The following TSKS variants were observed in gnomAD, a reference collection of about 807,000 sequenced individuals.
The protein encoded by TSKS is testis-specific serine kinase substrate.
In TSKS, 27 loss-of-function variants were observed where a neutral mutation model predicts 68.0. The ratio of observed to expected loss-of-function variants is 0.40; its 90% CI spans 0.29 to 0.55. TSKS has a LOEUF of 0.55. TSKS is among the 20% of genes least tolerant of loss of function. The probability of loss-of-function intolerance (pLI) is 0.53; values close to 1 mark genes in which losing one functional copy is unlikely to be tolerated. For missense variants in TSKS, 806 were observed against 776.0 expected, an observed-to-expected ratio of 1.04 and a Z score of -0.46; for synonymous variants, 331 against 340.4, an observed-to-expected ratio of 0.97 and a Z score of 0.30.
intron 8 of TSKS, among the ~76,000 whole-genome samples, chr19:49,743,165 A>T (rs1428386042): frequency 1.4e-5 from 2 of 147,240 alleles, no homozygotes; most frequent in Non-Finnish European, 3.0e-5. Flanking sequence ...TGCACCCTCC[A>T]CTTCCCAGGT....
chr19:49,753,074 C>A (rs1414308945), intron 2 of TSKS, among the ~76,000 whole-genome samples: 2 of 152,188 alleles, frequency 1.3e-5, no homozygotes, highest in Non-Finnish European at 2.9e-5. Context: ...CTTCAGTGGC[C>A]AAACATGACA....
intron 9 of TSKS, 105 bp downstream of exon 9, chr19:49,741,780 T>C (rs987210698): frequency 2.0e-6 from 3 of 1,518,600 alleles, no homozygotes; most frequent in South Asian, 2.4e-5. Context: ...AGCTCAGCCC[T>C]TCCCCTTCTG....
At position 49,741,913 on chromosome 19, in the gene TSKS, C is replaced by A; in HGVS notation, c.1469G>T (p.Ser490Ile). Residue 490 changes from serine to isoleucine, a missense_variant, in exon 9 of 11, where the codon AGC becomes ATC. Physicochemically the swap from Ser to Ile is moderately radical, Grantham distance 142. Transcript: ENST00000246801. Reference protein sequence around the residue: ...KQRGLTPACPSCQRLHKKILE... With the variant: ...KQRGLTPACPICQRLHKKILE... ...AATCTTCTTGTGTAGCCTCTGACAGCTGGGACAGGCAGGAGTCAGGCCCCT... is the reference window on the plus strand; with the variant it reads ...AATCTTCTTGTGTAGCCTCTGACAGATGGGACAGGCAGGAGTCAGGCCCCT... 6.2e-7 allele frequency: 1 copy of A among 1,614,228 alleles called. No homozygotes were observed. Among genetic ancestry groups the A allele is most frequent in the Non-Finnish European group, 8.5e-7 (1 of 1,180,044 alleles).
Position 49,742,026 on chromosome 19 carries a change from G to C in TSKS, c.1362-6C>G. On this transcript the variant is annotated splice_polypyrimidine_tract_variant and splice_region_variant and intron_variant, in intron 8 of 10. Transcript: ENST00000246801. ...TAGACAACTGCGACCCCTGGCTGGG[G>C]GAGGGGCGGTCACCAGATAAAGAGG... 1 of 1,613,494 alleles carries C rather than the reference G, an allele frequency of 6.2e-7. No individual in the cohort carries two copies. Among genetic ancestry groups the C allele is most frequent in the African/African-American group, 1.3e-5 (1 of 75,040 alleles).
At chr19:49,747,364 C>G in intron 5 of TSKS, 25 bp downstream of exon 5, 3 of 1,614,110 alleles carry the variant, frequency 1.9e-6, no homozygotes, top group Non-Finnish European at 1.7e-6. Context: ...TCCCACAAAT[C>G]CTGGGACTGC....
chr19:49,756,074 G>A (rs1036079064), intron 2 of TSKS, among the ~76,000 whole-genome samples: 1 of 152,048 alleles, frequency 6.6e-6, no homozygotes, highest in Non-Finnish European at 1.5e-5. Flanking sequence ...AATCATCAAC[G>A]AAATACTAGC....
intron 2 of TSKS, among the ~76,000 whole-genome samples, chr19:49,761,770 C>T (rs969506513): frequency 1.7e-4 from 26 of 152,094 alleles, no homozygotes; most frequent in African/African-American, 6.3e-4. Flanking sequence ...TTGAGACCAT[C>T]TTGGGCAACA....
intron 2 of TSKS, among the ~76,000 whole-genome samples, chr19:49,759,392 C>CAT (rs1418963255): frequency 6.7e-6 from 1 of 149,846 alleles, no homozygotes; most frequent in Non-Finnish European, 1.5e-5. Flanking sequence ...TGGCTTGAAC[C>CAT]TGGGAGGTGG....
rs771170019 is a variant in TSKS, at chr19:49,739,851, C to A, written c.1704G>T (p.Gly568=). The stretch of plus-strand genomic sequence containing the variant: ...TGCCTCCCCCCATTGTTCCCGTGGA[C>A]CCCTCAAGTGGCAGGTTGCTGAGAT... ...HDHLSNLPLE[G]STGTMGGGSS... is the part of the protein sequence containing the mutation. Residue 568 remains glycine (G), a synonymous_variant, in exon 11 of 11, where the codon GGG becomes GGT. Transcript: ENST00000246801. 1.9e-6 allele frequency: 3 copies of A among 1,613,914 alleles called. No individual in the cohort carries two copies. In the African/African-American group the frequency reaches 4.0e-5, roughly 22 times the overall value.
chr19:49,746,723 C>G lies in TSKS; in HGVS notation c.739G>C (p.Glu247Gln), dbSNP rs757935685. 1 of 1,602,406 alleles carries G rather than the reference C, an allele frequency of 6.2e-7. No homozygotes were observed. Among genetic ancestry groups the G allele is most frequent in the South Asian group, 1.1e-5 (1 of 90,896 alleles). The change falls in exon 6 of 11, where the codon GAG (glutamate) becomes CAG (glutamine). Residue 247 changes from glutamate to glutamine, a missense_variant. Coordinates refer to ENST00000246801, the MANE Select transcript of TSKS (RefSeq NM_021733.2). ...RRQEAELQEP[E>Q]EKQEPEEKQE... ...TTCTCCTCCGGCTCCTGCTTCTCCT[C>G]CGGCTCCTGCAGCTCGGCCTCCTGC...
intron 9 of TSKS, among the ~76,000 whole-genome samples, chr19:49,740,761 G>A (rs2084245214): frequency 6.6e-6 from 1 of 152,168 alleles, no homozygotes; most frequent in South Asian, 2.1e-4. Context: ...GTGTATGCCT[G>A]TAATCCTGGC....
At chr19:49,758,558 G>A (rs963812738) in intron 2 of TSKS, among the ~76,000 whole-genome samples, 3 of 152,146 alleles carry the variant, frequency 2.0e-5, no homozygotes, top group Admixed American at 6.5e-5. Context: ...AAGACAGGGC[G>A]GAGAGCTCTT....
intron 2 of TSKS, among the ~76,000 whole-genome samples, chr19:49,760,390 G>A (rs998731097): frequency 1.3e-5 from 2 of 151,300 alleles, no homozygotes; most frequent in African/African-American, 4.9e-5. Context: ...GCGTGATCTC[G>A]GCTCACTGCA....
At chr19:49,753,045 T>C (rs778852119) in intron 2 of TSKS, among the ~76,000 whole-genome samples, 2 of 152,202 alleles carry the variant, frequency 1.3e-5, no homozygotes, top group Non-Finnish European at 2.9e-5. Flanking sequence ...AGCTAACCAC[T>C]AAAATTAGAG....
intron 2 of TSKS, among the ~76,000 whole-genome samples, chr19:49,755,318 T>C (rs1273193890): frequency 6.6e-6 from 1 of 152,134 alleles, no homozygotes; most frequent in Non-Finnish European, 1.5e-5. Flanking sequence ...GAAAGAATAT[T>C]TGAAGAAATA....
intron 6 of TSKS, among the ~76,000 whole-genome samples, chr19:49,746,044 G>A (rs1237877276): frequency 6.6e-6 from 1 of 152,136 alleles, no homozygotes; most frequent in East Asian, 1.9e-4. Flanking sequence ...ATAGCCAGGC[G>A]TGGTGGCGGG....
At chr19:49,740,955 G>T (rs1325704651) in intron 9 of TSKS, among the ~76,000 whole-genome samples, 3 of 151,780 alleles carry the variant, frequency 2.0e-5, no homozygotes, top group Non-Finnish European at 4.4e-5. Context: ...GAGGCAGGCG[G>T]ATCACGAGAT....
Position 49,740,111 on chromosome 19 carries a change from C to T in TSKS, c.1570G>A (p.Asp524Asn). ...AGGTTCTTGGCCCGCAGGGCCTCGT[C>T]TTGGGCCAGCCGAAGGGTGGAGCTC... ...ALSSTLRLAQ[D>N]EALRAKNLLL... Residue 524 changes from aspartate (D) to asparagine (N), a missense_variant, in exon 10 of 11, where the codon GAC becomes AAC. Physicochemically the swap from Asp to Asn is conservative, Grantham distance 23. Transcript: ENST00000246801. The T allele has an allele frequency of 6.2e-7, 1 of 1,614,184 alleles. No homozygotes were observed. The highest frequency in any genetic ancestry group is 8.5e-7 in the Non-Finnish European group (1 of 1,180,044).
At position 49,749,025 on chromosome 19, in the gene TSKS, C is replaced by CAGATT. The variant is rs1272146093; in HGVS notation, c.400-557_400-556insAATCT. On this transcript the variant is annotated intron_variant, in intron 2 of 10. Transcript: ENST00000246801. ...CTGCAGTGAGCTGAGATTGCACCAC[C>CAGATT]GTACTCCAATCTGGGCGACAGAGCG... is the stretch of plus-strand genomic sequence containing the variant. Among the ~76,000 whole-genome samples, 5 of 151,882 alleles carry CAGATT rather than the reference C, an allele frequency of 3.3e-5. No individual in the cohort carries two copies. In the East Asian group the frequency reaches 7.7e-4, roughly 24 times the overall value.
Sources: gnomAD v4.1 joint callset for allele counts (sites outside exome capture counted in the v4.1 genomes callset) on GRCh38, gnomAD v4.1.1 for gene constraint, MANE v1.5 for transcripts, NCBI Gene and HGNC (gene_info 2026-07-23, HGNC 2026-07-21) for gene names.